ARHGEF11: variants seen among roughly 807,000 people sequenced by gnomAD.
ARHGEF11 encodes the protein Rho guanine nucleotide exchange factor 11.
A neutral mutation model predicts 193.7 loss-of-function variants in ARHGEF11; 55 were observed. The observed-to-expected ratio is 0.28, with a 90% CI of 0.23 to 0.36. ARHGEF11 has a LOEUF of 0.36. Ranked by LOEUF, ARHGEF11 falls within the 10% of genes least tolerant of loss-of-function variation. The probability of loss-of-function intolerance (pLI) is 1.00; values close to 1 mark genes in which losing one functional copy is unlikely to be tolerated. For synonymous variants in ARHGEF11, 693 were observed against 768.0 expected, an observed-to-expected ratio of 0.90 and a Z score of 1.62; for missense variants, 1,723 against 2,005.6, an observed-to-expected ratio of 0.86 and a Z score of 2.69.
intron 29 of ARHGEF11, chr1:156,945,487 A>G: frequency 4.9e-6 from 2 of 407,196 alleles, no homozygotes; most frequent in Non-Finnish European, 8.8e-6. Flanking sequence ...AGACTGTGGT[A>G]AATGGCCACA....
intron 27 of ARHGEF11, 23 bp from the exon 28 acceptor site, chr1:156,946,810 G>A: frequency 6.2e-7 from 1 of 1,613,820 alleles, no homozygotes; most frequent in Non-Finnish European, 8.5e-7. Context: ...AATGGACACG[G>A]GGCCAGGCAT....
At chr1:156,977,081 A>G (rs781080849) in intron 6 of ARHGEF11, 27 bp from the exon 7 acceptor site, 2 of 1,603,484 alleles carry the variant, frequency 1.2e-6, no homozygotes, top group Non-Finnish European at 1.7e-6. Context: ...TGGCAATATA[A>G]GAGTTAGGGA....
intron 36 of ARHGEF11, 148 bp downstream of exon 36, chr1:156,940,059 T>C: frequency 7.0e-7 from 1 of 1,418,968 alleles, no homozygotes; most frequent in Non-Finnish European, 9.4e-7. Context: ...GGGGGTTGGG[T>C]GGGGAATGAC....
intron 1 of ARHGEF11, among the ~76,000 whole-genome samples, chr1:157,038,646 T>C (rs1022277006): frequency 6.6e-6 from 1 of 152,224 alleles, no homozygotes; most frequent in African/African-American, 2.4e-5. Context: ...AGAGGATCCC[T>C]TGAAGTCCTG....
rs1197900607 is a variant in ARHGEF11, at chr1:156,963,265, G to A, written c.1078C>T (p.Arg360Trp). The change falls in exon 13 of 41, where the codon CGG (arginine) becomes TGG (tryptophan). Residue 360 changes from arginine (R) to tryptophan (W), a missense_variant. Transcript: ENST00000368194. ...IFQDLEKLKS[R>W]PAHLGVFLRY... ...AGAAAAACCCCCAGGTGAGCTGGCC[G>A]AGACTTCAGTTTCTCCAGATCCTGG... 3.7e-6 allele frequency: 6 copies of A among 1,614,166 alleles called. No individual in the cohort carries two copies. The highest frequency in any genetic ancestry group is 1.6e-4 in the Middle Eastern group (1 of 6,062).
intron 40 of ARHGEF11, 73 bp from the exon 41 acceptor site, chr1:156,936,131 T>C: frequency 6.8e-7 from 1 of 1,473,634 alleles, no homozygotes. Flanking sequence ...GTCTAGAAAG[T>C]TCAGGCTCAC....
In ARHGEF11 at chr1:156,982,338, G is replaced by A. The variant is rs1486936520; in HGVS notation, c.224-1852C>T. Among the ~76,000 whole-genome samples the A allele has an allele frequency of 2.0e-5, 3 of 152,120 alleles. No homozygotes were observed. In the East Asian group the frequency reaches 5.8e-4, roughly 29 times the overall value. On this transcript the variant is annotated intron_variant, in intron 3 of 40. Coordinates refer to ENST00000368194, the MANE Select transcript of ARHGEF11 (RefSeq NM_198236.3). ...CAGAAAGCAATTCAGTGCTTCCGAG[G>A]TCAGCCCCAAGAAAAAGGATTTCAA...
chr1:157,025,704 T>G (rs530589507), intron 1 of ARHGEF11, among the ~76,000 whole-genome samples: 29 of 152,236 alleles, frequency 1.9e-4, no homozygotes, highest in African/African-American at 6.5e-4. Context: ...AGGCACTCTA[T>G]TCAAGGGAGG....
chr1:157,046,186 CGACCCCGGCCCT>C (rs1285824049), upstream of ARHGEF11, among the ~76,000 whole-genome samples: 9 of 150,896 alleles, frequency 6.0e-5, no homozygotes, highest in Non-Finnish European at 1.0e-4. Context: ...GGCCCGCGGG[CGACCCCGGCCCT>C]GACCCCGCCA....
chr1:156,956,677 G>C, intron 18 of ARHGEF11, 113 bp from the exon 19 acceptor site: 1 of 1,471,898 alleles, frequency 6.8e-7, no homozygotes, highest in Non-Finnish European at 9.1e-7. Context: ...ACAGGTGAAA[G>C]TATTCAAAGA....
intron 1 of ARHGEF11, among the ~76,000 whole-genome samples, chr1:157,031,817 G>T (rs1032418548): frequency 4.6e-5 from 7 of 152,272 alleles, no homozygotes; most frequent in Admixed American, 1.3e-4. Flanking sequence ...TAGAACAACC[G>T]ATCACTCTGT....
chr1:156,937,671 C>G (rs1655773547), intron 38 of ARHGEF11, among the ~76,000 whole-genome samples, 175 bp from the exon 39 acceptor site: 1 of 152,166 alleles, frequency 6.6e-6, no homozygotes, highest in Admixed American at 6.5e-5. Flanking sequence ...AAGCCCTGCT[C>G]CCGAGACCTT....
chr1:156,978,837 G>T (rs1663655366), intron 5 of ARHGEF11, among the ~76,000 whole-genome samples: 1 of 152,184 alleles, frequency 6.6e-6, no homozygotes, highest in African/African-American at 2.4e-5. Flanking sequence ...CAATTGTTGG[G>T]CCTTCCTGGC....
intron 1 of ARHGEF11, among the ~76,000 whole-genome samples, chr1:156,994,551 G>A (rs1666220850): frequency 6.6e-6 from 1 of 152,058 alleles, no homozygotes; most frequent in African/African-American, 2.4e-5. Context: ...CTTTCATGAA[G>A]GTCTTAGACA....
At chr1:156,961,600 G>A in intron 14 of ARHGEF11, 77 bp downstream of exon 14, 1 of 1,285,390 alleles carries the variant, frequency 7.8e-7, no homozygotes, top group Middle Eastern at 1.9e-4. Context: ...TGGCCTGGAT[G>A]TTTTGCTTAA....
chr1:156,970,343 T>C (rs558309632), intron 8 of ARHGEF11, among the ~76,000 whole-genome samples: 2 of 152,072 alleles, frequency 1.3e-5, no homozygotes, highest in African/African-American at 4.8e-5. Flanking sequence ...TTCTTAACCA[T>C]CAAGAAGTAT....
chr1:157,022,457 T>G (rs1258559956), intron 1 of ARHGEF11, among the ~76,000 whole-genome samples: 1 of 152,150 alleles, frequency 6.6e-6, no homozygotes, highest in Non-Finnish European at 1.5e-5. Flanking sequence ...TACCTAGGAA[T>G]AAATTTGAGA....
At chr1:156,981,730 C>T (rs774700174) in intron 3 of ARHGEF11, among the ~76,000 whole-genome samples, 3 of 152,158 alleles carry the variant, frequency 2.0e-5, no homozygotes, top group Non-Finnish European at 4.4e-5. Flanking sequence ...CTGGCTTTGC[C>T]TCCCAAAGTG....
In ARHGEF11 at chr1:156,937,509, TA is replaced by T; in HGVS notation, c.4193-14del. On this transcript the variant is annotated splice_polypyrimidine_tract_variant and intron_variant, in intron 38 of 40. Coordinates refer to ENST00000368194, the MANE Select transcript of ARHGEF11 (RefSeq NM_198236.3). ...TAAAAGCAGTTCCCTGTCCCCACAGTAAGAGAATGAGATCAGGAGGCAAACA... is the reference window on the plus strand; with the variant it reads ...TAAAAGCAGTTCCCTGTCCCCACAGTAGAGAATGAGATCAGGAGGCAAACA... The T allele has an allele frequency of 1.3e-6, 2 of 1,512,296 alleles. No homozygotes were observed. The highest frequency in any genetic ancestry group is 2.7e-5 in the South Asian group (2 of 74,722). The allele number at this position is 1,512,296 out of a possible 1,614,324, so 93.7% of individuals were successfully genotyped here. A position where few individuals can be genotyped will look rare whatever the true frequency, so the allele number is the denominator to read the frequency against.
Sources: allele counts gnomAD v4.1 joint callset (sites outside exome capture counted in the v4.1 genomes callset), GRCh38; gene constraint gnomAD v4.1.1; transcripts MANE v1.5; gene names NCBI Gene and HGNC (gene_info 2026-07-23, HGNC 2026-07-21).